Variants in PRDM10 observed in about 807,000 individuals in gnomAD.
PRDM10 encodes PR domain zinc finger protein 10.
Under a neutral mutation model 133.1 loss-of-function variants are expected in PRDM10, and 65 were observed. The ratio of observed to expected loss-of-function variants is 0.49; its 90% CI spans 0.40 to 0.60. The LOEUF is 0.60. Ranked by LOEUF, PRDM10 falls within the 20% of genes least tolerant of loss-of-function variation. The probability of loss-of-function intolerance (pLI) is 0.00; values close to 1 mark genes in which losing one functional copy is unlikely to be tolerated. For synonymous variants in PRDM10, 582 were observed against 580.4 expected (o/e 1.00, Z -0.04); for missense variants, 1,137 against 1,507.1 (o/e 0.75, Z 4.07).
chr11:129,971,636 A>G (rs1315925810), intron 1 of PRDM10, among the ~76,000 whole-genome samples: 3 of 138,950 alleles, frequency 2.2e-5, no homozygotes, highest in African/African-American at 9.6e-5. Context: ...GAGCAGCTAG[A>G]TACAGAGTGT....
At chr11:129,908,536 A>C (rs1375415643) in intron 19 of PRDM10, among the ~76,000 whole-genome samples, 1 of 152,230 alleles carries the variant, frequency 6.6e-6, no homozygotes, top group Non-Finnish European at 1.5e-5. Context: ...ATGATGGATC[A>C]TTATCCAGCT....
chr11:129,995,400 A>C (rs79960257), intron 1 of PRDM10, among the ~76,000 whole-genome samples: 1,554 of 152,320 alleles, frequency 0.01, 32 homozygotes, highest in African/African-American at 0.035. Flanking sequence ...CGGTTCTGTC[A>C]ATATTCTGTG....
intron 1 of PRDM10, among the ~76,000 whole-genome samples, chr11:129,966,817 C>T (rs987670461): frequency 6.6e-6 from 1 of 152,036 alleles, no homozygotes; most frequent in Non-Finnish European, 1.5e-5. Context: ...TTCCTGGAGA[C>T]AGTGGTGTGC....
At position 129,902,230 on chromosome 11, in the gene PRDM10, C is replaced by T; in HGVS notation, c.*83G>A. 1 of 1,485,308 alleles carries T rather than the reference C, an allele frequency of 6.7e-7. No individual in the cohort carries two copies. Among genetic ancestry groups the T allele is most frequent in the South Asian group, 1.3e-5 (1 of 77,570 alleles). 92.0% of individuals were successfully genotyped at this position (1,485,308 alleles called of 1,614,324 possible). On this transcript the variant is annotated 3_prime_UTR_variant, in exon 21 of 21. Coordinates refer to ENST00000360871, the MANE Select transcript of PRDM10 (RefSeq NM_199437.2). The stretch of plus-strand genomic sequence containing the variant: ...ACTCTTGAGTGAATAATAAATCTTA[C>T]AAAAGAGCTCTACGTGTCAGAGCTT...
chr11:129,941,368 A>G (rs1307716570), intron 7 of PRDM10, among the ~76,000 whole-genome samples: 1 of 152,250 alleles, frequency 6.6e-6, no homozygotes, highest in Non-Finnish European at 1.5e-5. Context: ...ATTATTATTT[A>G]GATAAATTTC....
intron 1 of PRDM10, among the ~76,000 whole-genome samples, chr11:129,984,761 C>G (rs1938320936): frequency 6.6e-6 from 1 of 152,222 alleles, no homozygotes; most frequent in Non-Finnish European, 1.5e-5. Flanking sequence ...GGTCGCGCTG[C>G]TGGGCTCTCT....
chr11:129,950,958 C>A (rs1951566201), intron 4 of PRDM10, among the ~76,000 whole-genome samples: 1 of 152,224 alleles, frequency 6.6e-6, no homozygotes, highest in African/African-American at 2.4e-5. Context: ...TCTTTCCTAA[C>A]AGACTGTGGC....
At chr11:129,966,286 C>T (rs993263796) in intron 1 of PRDM10, among the ~76,000 whole-genome samples, 3 of 152,060 alleles carry the variant, frequency 2.0e-5, no homozygotes, top group African/African-American at 7.2e-5. Context: ...AATTACCTGC[C>T]CTGCATGGTT....
chr11:129,956,713 A>G (rs1447753324), intron 3 of PRDM10, among the ~76,000 whole-genome samples: 1 of 152,362 alleles, frequency 6.6e-6, no homozygotes, highest in East Asian at 1.9e-4. Context: ...AAGTACCACT[A>G]AGTCTTCAGT....
At chr11:129,989,938 C>T (rs763920883) in intron 1 of PRDM10, among the ~76,000 whole-genome samples, 65 of 152,130 alleles carry the variant, frequency 4.3e-4, no homozygotes, top group Admixed American at 8.5e-4. Flanking sequence ...CACGGTGGCT[C>T]ATGCCTGTAA....
Position 129,925,089 on chromosome 11 carries a change from G to C in PRDM10, c.1671C>G (p.Thr557=). ...FHGREGNCPL[T]CDLCNKGFIS... is the part of the protein sequence containing the mutation. ...TGAAGCCCTTGTTACAGAGATCACA[G>C]GTCAGTGGGCAGTTCCCCTCCCGCC... Residue 557 remains threonine (T), a synonymous_variant, in exon 12 of 21, where the codon ACC becomes ACG. Coordinates refer to ENST00000360871, the MANE Select transcript of PRDM10 (RefSeq NM_199437.2). 6.2e-7 allele frequency: 1 copy of C among 1,614,212 alleles called. No homozygotes were observed. Among genetic ancestry groups the C allele is most frequent in the Non-Finnish European group, 8.5e-7 (1 of 1,180,040 alleles).
chr11:129,918,406 T>C lies in PRDM10; in HGVS notation c.2214+133A>G. 8.8e-7 allele frequency: 1 copy of C among 1,133,186 alleles called. No homozygotes were observed. The highest frequency in any genetic ancestry group is 1.2e-6 in the Non-Finnish European group (1 of 858,694). The allele number at this position is 1,133,186 out of a possible 1,614,324, so 70.2% of individuals were successfully genotyped here. ...CCAAATTGGGAATCGTTTGCCTCTG[T>C]TTCTTCCCCTGGACATTGACAAAAC... On this transcript the variant is annotated intron_variant, in intron 14 of 20. Coordinates refer to ENST00000360871, the MANE Select transcript of PRDM10 (RefSeq NM_199437.2). This position sits in a 1 kb window ranked among gnomAD's most constrained non-coding sequence, Gnocchi z 5.3.
At chr11:129,958,064 G>A (rs1951730115) in intron 2 of PRDM10, among the ~76,000 whole-genome samples, 154 bp from the exon 3 acceptor site, 1 of 152,302 alleles carries the variant, frequency 6.6e-6, no homozygotes, top group Middle Eastern at 3.4e-3. Flanking sequence ...AGGATGCAAG[G>A]ACCTTGTCAT....
At chr11:129,934,972 C>G in intron 9 of PRDM10, 129 bp downstream of exon 9, 1 of 670,772 alleles carries the variant, frequency 1.5e-6, no homozygotes, top group Non-Finnish European at 2.6e-6. Context: ...TAACACCGTT[C>G]CCTCAGTAGC....
At position 129,966,540 on chromosome 11, in the gene PRDM10, G is replaced by A. The variant is rs1474672994; in HGVS notation, c.-118-5458C>T. Among the ~76,000 whole-genome samples the A allele has an allele frequency of 2.6e-5, 4 of 152,176 alleles. No homozygotes were observed. In the East Asian group the frequency reaches 7.7e-4, roughly 29 times the overall value. On this transcript the variant is annotated intron_variant, in intron 1 of 20. Coordinates refer to ENST00000360871, the MANE Select transcript of PRDM10 (RefSeq NM_199437.2). Reference sequence around the variant, plus strand: ...CCACTTTAAATGTCTTCAAAAAGATGACACGATAACTTGGTATTAAAACCG... The same window carrying A: ...CCACTTTAAATGTCTTCAAAAAGATAACACGATAACTTGGTATTAAAACCG...
Position 129,958,703 on chromosome 11 carries a change from A to G in PRDM10, c.70-793T>C, listed in dbSNP as rs566541010. On this transcript the variant is annotated intron_variant, in intron 2 of 20. Coordinates refer to ENST00000360871, the MANE Select transcript of PRDM10 (RefSeq NM_199437.2). The stretch of plus-strand genomic sequence containing the variant: ...TTTCCTGCAAGTTGTTTCATACACA[A>G]AGGACATACTGGAGGCATATCAGTA... Among the ~76,000 whole-genome samples the G allele has an allele frequency of 2.0e-5, 3 of 152,336 alleles. No homozygotes were observed. The East Asian group carries it at 5.8e-4, about 29-fold the overall frequency.
intron 19 of PRDM10, among the ~76,000 whole-genome samples, chr11:129,907,517 GC>G (rs1950052143): frequency 6.6e-6 from 1 of 152,022 alleles, no homozygotes; most frequent in Non-Finnish European, 1.5e-5. Flanking sequence ...CGATTCTCCT[GC>G]CTTGGCCTCC....
At chr11:129,985,779 C>A (rs1938377606) in intron 1 of PRDM10, among the ~76,000 whole-genome samples, 1 of 10,498 alleles carries the variant, frequency 9.5e-5, no homozygotes, top group Non-Finnish European at 1.8e-4. Context: ...CAAACCCTGT[C>A]CAAAAAAAAA....
intron 1 of PRDM10, among the ~76,000 whole-genome samples, chr11:129,995,157 C>T (rs1463651011): frequency 6.6e-6 from 1 of 152,124 alleles, no homozygotes; most frequent in Non-Finnish European, 1.5e-5. Flanking sequence ...TATATTTATC[C>T]AGTGATAAAG....
Sources: allele counts gnomAD v4.1 joint callset (sites outside exome capture counted in the v4.1 genomes callset), GRCh38; gene constraint gnomAD v4.1.1; non-coding constraint Gnocchi (gnomAD v3.1); transcripts MANE v1.5; gene names NCBI Gene and HGNC (gene_info 2026-07-23, HGNC 2026-07-21).